The following COL14A1 variants were observed in gnomAD, a reference collection of about 807,000 sequenced individuals.
COL14A1 encodes collagen alpha-1(XIV) chain.
In COL14A1, 136 loss-of-function variants were observed where a neutral mutation model predicts 230.3. That is an observed-to-expected ratio of 0.59 (90% CI 0.51 to 0.68). The LOEUF (loss-of-function observed/expected upper bound fraction) is 0.68, where lower values mean the gene tolerates loss of function less well. Ranked by LOEUF, COL14A1 falls within the 30% of genes least tolerant of loss-of-function variation. COL14A1 has a pLI of 0.00. For missense variants in COL14A1, 1,976 were observed against 2,215.8 expected, an observed-to-expected ratio of 0.89 and a Z score of 2.17; for synonymous variants, 792 against 784.1, an observed-to-expected ratio of 1.01 and a Z score of -0.17.
intron 36 of COL14A1, among the ~76,000 whole-genome samples, chr8:120,309,622 C>A (rs1219309086): frequency 6.6e-6 from 1 of 152,016 alleles, no homozygotes; most frequent in Non-Finnish European, 1.5e-5. Flanking sequence ...CATGTGCTTT[C>A]TACAATTTAA....
chr8:120,328,314 G>A (rs1488798551), intron 40 of COL14A1, among the ~76,000 whole-genome samples: 1 of 152,074 alleles, frequency 6.6e-6, no homozygotes, highest in Non-Finnish European at 1.5e-5. Flanking sequence ...GCTCACTGAA[G>A]TTTCAACCTT....
chr8:120,320,255 A>G (rs1249266266), intron 40 of COL14A1, among the ~76,000 whole-genome samples: 1 of 152,226 alleles, frequency 6.6e-6, no homozygotes, highest in African/African-American at 2.4e-5. Context: ...TAATATTAGT[A>G]TTCACTATTT....
rs550425968 is a variant in COL14A1 at position 120,223,064 on chromosome 8, C to A, written c.1738-2024C>A. Among the ~76,000 whole-genome samples, 14 of 152,216 alleles carry A rather than the reference C, an allele frequency of 9.2e-5. No homozygotes were observed. The South Asian group carries it at 2.9e-3, about 32-fold the overall frequency. On this transcript the variant is annotated intron_variant, in intron 14 of 47. Transcript: ENST00000297848. ...ATAGGGTCACAGACAGAGTGAACTG[C>A]ATGTGCTAAGGCCCTGAGGTGGGAA...
chr8:120,243,943 A>G lies in COL14A1; in HGVS notation c.2414A>G (p.Lys805Arg). ...CCTCTGCTTCCTGATACTGAATACA[A>G]AGTCACAGTGACTCCCATCTACACG... is the stretch of plus-strand genomic sequence containing the variant. ...LKPLLPDTEY[K>R]VTVTPIYTDG... The change falls in exon 20 of 48, where the codon AAA (lysine) becomes AGA (arginine). Residue 805 changes from lysine (K) to arginine (R), a missense_variant. This residue lies in a region of COL14A1 where 1,791 missense variants were observed against 2,019.5 expected (regional missense o/e 0.89). Coordinates refer to ENST00000297848, the MANE Select transcript of COL14A1 (RefSeq NM_021110.4). 6.2e-7 allele frequency: 1 copy of G among 1,613,754 alleles called. No homozygotes were observed. Among genetic ancestry groups the G allele is most frequent in the Non-Finnish European group, 8.5e-7 (1 of 1,179,748 alleles).
At chr8:120,300,696 C>A in intron 35 of COL14A1, 36 bp from the exon 36 acceptor site, 2 of 1,497,386 alleles carry the variant, frequency 1.3e-6, no homozygotes, top group South Asian at 1.2e-5. Context: ...TATAAACTGG[C>A]ATGCTAATGG....
intron 9 of COL14A1, among the ~76,000 whole-genome samples, chr8:120,205,369 C>CT (rs1441437929): frequency 6.6e-6 from 1 of 152,174 alleles, no homozygotes; most frequent in East Asian, 1.9e-4. Flanking sequence ...CTTCTCTCTA[C>CT]TTTTCAGCAT....
intron 22 of COL14A1, among the ~76,000 whole-genome samples, 179 bp downstream of exon 22, chr8:120,250,945 T>G (rs564233452): frequency 1.1e-3 from 162 of 152,298 alleles, no homozygotes; most frequent in Non-Finnish European, 1.8e-3. Flanking sequence ...GTAGCTGGGA[T>G]TACAGGCACA....
chr8:120,196,671 T>C, intron 5 of COL14A1, 120 bp from the exon 6 acceptor site: 1 of 964,314 alleles, frequency 1.0e-6, no homozygotes, highest in Admixed American at 2.7e-5. Context: ...AAAAGATGGC[T>C]GCTCCTACGG....
chr8:120,233,483 T>C (rs901223992), intron 19 of COL14A1, among the ~76,000 whole-genome samples: 5 of 152,070 alleles, frequency 3.3e-5, no homozygotes, highest in African/African-American at 1.2e-4. Context: ...TTGTCTAAGA[T>C]TCATTTTTGT....
At chr8:120,249,481 C>T (rs1037155284) in intron 21 of COL14A1, among the ~76,000 whole-genome samples, 6 of 152,126 alleles carry the variant, frequency 3.9e-5, no homozygotes, top group Non-Finnish European at 5.9e-5. Context: ...CGGAAGCATG[C>T]GTTAATTTGT....
rs372451407 is a variant in COL14A1, at chr8:120,300,917, TACTC to T, written c.4401+103_4401+106del. On this transcript the variant is annotated intron_variant, in intron 36 of 47. Coordinates refer to ENST00000297848, the MANE Select transcript of COL14A1 (RefSeq NM_021110.4). ...GTTGTCTACTGTACTAAATGGCTATTACTCACTTAATTGTAGGAATGCAGTGAGA... is the reference window on the plus strand; with the variant it reads ...GTTGTCTACTGTACTAAATGGCTATTACTTAATTGTAGGAATGCAGTGAGA... 68 of 908,280 alleles carry T rather than the reference TACTC, an allele frequency of 7.5e-5. No individual in the cohort carries two copies. In the African/African-American group the frequency reaches 8.5e-4, roughly 11 times the overall value. The allele number at this position is 908,280 out of a possible 1,614,324, so 56.3% of individuals were successfully genotyped here.
intron 20 of COL14A1, among the ~76,000 whole-genome samples, chr8:120,247,194 A>C (rs4871051): frequency 0.73 from 110,791 of 152,150 alleles, 41,084 homozygotes; most frequent in African/African-American, 0.86. Flanking sequence ...GAGGCCAAGG[A>C]GAATGGATCA....
intron 23 of COL14A1, among the ~76,000 whole-genome samples, chr8:120,260,937 A>G (rs983403513): frequency 2.0e-5 from 3 of 152,206 alleles, no homozygotes; most frequent in Admixed American, 6.5e-5. Context: ...CGTCCTCTGA[A>G]ACTGAGCTTT....
rs770318616 is a variant in COL14A1, at chr8:120,168,924, C to T, written c.436+677C>T. Among the ~76,000 whole-genome samples the T allele has an allele frequency of 7.2e-5, 11 of 152,094 alleles. No individual in the cohort carries two copies. The South Asian group carries it at 8.3e-4, about 11-fold the overall frequency. On this transcript the variant is annotated intron_variant, in intron 5 of 47. Coordinates refer to ENST00000297848, the MANE Select transcript of COL14A1 (RefSeq NM_021110.4). ...AGGCTAGAATTTAGTGTCACAATCT[C>T]GGCTCACTGCAACCTCCGCCTCCTG...
chr8:120,250,783 A>C lies in COL14A1; in HGVS notation c.2752+17A>C. 1 of 1,613,432 alleles carries C rather than the reference A, an allele frequency of 6.2e-7. No homozygotes were observed. The highest frequency in any genetic ancestry group is 8.5e-7 in the Non-Finnish European group (1 of 1,179,878). On this transcript the variant is annotated intron_variant, in intron 22 of 47. Transcript: ENST00000297848. ...TGAAAACATGTAAGAGCCATTTCCG[A>C]TGGCCTCAGCCGCATATGGGTTTTT...
At chr8:120,166,838 T>C (rs995905983) in intron 4 of COL14A1, among the ~76,000 whole-genome samples, 1 of 149,572 alleles carries the variant, frequency 6.7e-6, no homozygotes, top group African/African-American at 2.5e-5. Context: ...AAAACCAGGA[T>C]AAAGCCATTC....
intron 37 of COL14A1, among the ~76,000 whole-genome samples, chr8:120,313,448 C>A (rs922450531): frequency 6.6e-6 from 1 of 152,120 alleles, no homozygotes; most frequent in Non-Finnish European, 1.5e-5. Context: ...AGTGTGGTGG[C>A]AGCGTCAAAG....
At chr8:120,173,550 C>G (rs1485834078) in intron 5 of COL14A1, among the ~76,000 whole-genome samples, 1 of 88,556 alleles carries the variant, frequency 1.1e-5, no homozygotes, top group African/African-American at 3.5e-5. Flanking sequence ...TTCTCTTGCT[C>G]TCTAGCAATC....
rs1815174263 is a variant in COL14A1 at position 120,148,591 on chromosome 8, G to A, written c.88+661G>A. On this transcript the variant is annotated intron_variant, in intron 2 of 47. Transcript: ENST00000297848. ...GTATTAATAAAGAACTGTAATGTGAGTGTGTGTGTATCCTAATCATGTCTT... is the reference window on the plus strand; with the variant it reads ...GTATTAATAAAGAACTGTAATGTGAATGTGTGTGTATCCTAATCATGTCTT... Among the ~76,000 whole-genome samples, 4 of 152,256 alleles carry A rather than the reference G, an allele frequency of 2.6e-5. No individual in the cohort carries two copies. The South Asian group carries it at 8.3e-4, about 32-fold the overall frequency.
Sources: allele counts gnomAD v4.1 joint callset (sites outside exome capture counted in the v4.1 genomes callset), GRCh38; gene constraint gnomAD v4.1.1; regional missense constraint gnomAD v4.1.1; transcripts MANE v1.5; gene names NCBI Gene and HGNC (gene_info 2026-07-23, HGNC 2026-07-21).